The following ST8SIA6 variants were observed in gnomAD, a reference collection of about 807,000 sequenced individuals.
ST8SIA6 encodes alpha-2,8-sialyltransferase 8F.
In ST8SIA6, 39 loss-of-function variants were observed where a neutral mutation model predicts 33.6. The observed-to-expected ratio is 1.16, with a 90% confidence interval of 0.90 to 1.52. ST8SIA6 has a LOEUF of 1.52. Among genes scored for constraint, ST8SIA6 ranks in the 40% most tolerant of loss-of-function variants. ST8SIA6 has a pLI of 0.00. For synonymous variants in ST8SIA6, 172 were observed against 167.2 expected (o/e 1.03, Z -0.22); for missense variants, 441 against 443.8 (o/e 0.99, Z 0.06).
chr10:17,357,684 G>A (rs1308016702), intron 4 of ST8SIA6, among the ~76,000 whole-genome samples: 3 of 152,276 alleles, frequency 2.0e-5, no homozygotes, highest in African/African-American at 7.2e-5. Context: ...CTGCTCCAGT[G>A]TCCTCACACA....
chr10:17,399,540 G>A (rs1301501558), intron 2 of ST8SIA6, among the ~76,000 whole-genome samples: 1 of 152,118 alleles, frequency 6.6e-6, no homozygotes, highest in Non-Finnish European at 1.5e-5. Flanking sequence ...CCTCAATGAA[G>A]ATTAATTAGC....
At chr10:17,333,672 GATATATATATATATATATAT>G (rs1165578414) in intron 4 of ST8SIA6, among the ~76,000 whole-genome samples, 605 of 35,142 alleles carry the variant, frequency 0.017, 19 homozygotes, top group Middle Eastern at 0.042. Flanking sequence ...ATGGTGCTGG[GATATATATATATATATATAT>G]ATATATATAT....
chr10:17,389,975 C>T (rs926882948), intron 3 of ST8SIA6, among the ~76,000 whole-genome samples: 1 of 151,970 alleles, frequency 6.6e-6, no homozygotes, highest in African/African-American at 2.4e-5. Context: ...ACCTGAGCCA[C>T]CACATTCAGC....
chr10:17,437,101 T>C (rs1852290738), intron 2 of ST8SIA6, among the ~76,000 whole-genome samples: 1 of 152,192 alleles, frequency 6.6e-6, no homozygotes, highest in South Asian at 2.1e-4. Context: ...TGCAATTCTA[T>C]GATTCCCAAA....
At chr10:17,385,024 G>GT (rs889762074) in intron 3 of ST8SIA6, among the ~76,000 whole-genome samples, 4 of 151,866 alleles carry the variant, frequency 2.6e-5, no homozygotes, top group African/African-American at 4.8e-5. Context: ...TTGTTTGTTT[G>GT]TTTTTTTGTA....
At chr10:17,425,812 G>A (rs1851921070) in intron 2 of ST8SIA6, among the ~76,000 whole-genome samples, 1 of 152,070 alleles carries the variant, frequency 6.6e-6, no homozygotes, top group Non-Finnish European at 1.5e-5. Context: ...AGGTAAAATG[G>A]GAGGGAAGCG....
intron 3 of ST8SIA6, among the ~76,000 whole-genome samples, chr10:17,380,143 C>T (rs1366272080): frequency 6.6e-6 from 1 of 152,144 alleles, no homozygotes; most frequent in African/African-American, 2.4e-5. Flanking sequence ...GCTTCCATGT[C>T]GATGGAAGAC....
At chr10:17,322,957 A>T in intron 7 of ST8SIA6, 108 bp downstream of exon 7, 1 of 983,008 alleles carries the variant, frequency 1.0e-6, no homozygotes. Context: ...AACTCATTCC[A>T]CCTGTACTGC....
intron 2 of ST8SIA6, among the ~76,000 whole-genome samples, chr10:17,437,610 TTTCCTTCCTTCC>T (rs374960462): frequency 4.1e-5 from 4 of 97,986 alleles, no homozygotes; most frequent in African/African-American, 1.9e-4. Context: ...GGACCCCCTG[TTTCCTTCCTTCC>T]TTCCTTCCTT....
At chr10:17,411,690 C>G (rs961559301) in intron 2 of ST8SIA6, among the ~76,000 whole-genome samples, 4 of 152,174 alleles carry the variant, frequency 2.6e-5, no homozygotes, top group Non-Finnish European at 5.9e-5. Flanking sequence ...TGCTTTGTCT[C>G]TATTTGCCTG....
At chr10:17,343,318 G>T (rs1296303264) in intron 4 of ST8SIA6, among the ~76,000 whole-genome samples, 1 of 152,156 alleles carries the variant, frequency 6.6e-6, no homozygotes, top group Non-Finnish European at 1.5e-5. Context: ...ACCACAGGAA[G>T]AAAAATCAAT....
chr10:17,371,926 C>T (rs888756224), intron 3 of ST8SIA6, among the ~76,000 whole-genome samples: 14 of 151,966 alleles, frequency 9.2e-5, no homozygotes, highest in Non-Finnish European at 2.1e-4. Context: ...TGTCATGCTC[C>T]TTATATACAA....
At chr10:17,338,624 A>G (rs1302328275) in intron 4 of ST8SIA6, among the ~76,000 whole-genome samples, 1 of 152,228 alleles carries the variant, frequency 6.6e-6, no homozygotes, top group Non-Finnish European at 1.5e-5. Context: ...CAATGTACAT[A>G]TAAATGCTTC....
intron 5 of ST8SIA6, among the ~76,000 whole-genome samples, chr10:17,328,897 A>C (rs938259264): frequency 2.6e-5 from 4 of 152,172 alleles, no homozygotes; most frequent in African/African-American, 9.7e-5. Flanking sequence ...AGCATTGGTA[A>C]CTAAAAATTG....
intron 3 of ST8SIA6, among the ~76,000 whole-genome samples, chr10:17,363,694 A>G (rs1588842400): frequency 6.6e-6 from 1 of 152,208 alleles, no homozygotes; most frequent in African/African-American, 2.4e-5. Flanking sequence ...TTATTAAACT[A>G]TTGGTAGCTT....
intron 4 of ST8SIA6, among the ~76,000 whole-genome samples, chr10:17,359,212 A>C (rs1364975002): frequency 1.3e-5 from 2 of 152,248 alleles, no homozygotes; most frequent in East Asian, 3.8e-4. Flanking sequence ...ACAAATAAAT[A>C]CTAAATGTAA....
chr10:17,401,259 C>G (rs944820810), intron 2 of ST8SIA6, among the ~76,000 whole-genome samples: 6 of 152,212 alleles, frequency 3.9e-5, no homozygotes, highest in Non-Finnish European at 8.8e-5. Flanking sequence ...AACTACAAAC[C>G]ACTGCTCAAC....
At position 17,441,746 on chromosome 10, in the gene ST8SIA6, G is replaced by T. The variant is rs535234510; in HGVS notation, c.200+11813C>A. Reference sequence around the variant, plus strand: ...TAATTTAATTAAGTTTCATTTGAAAGAATCTGTCAAACTCAATAAAATTAC... The same window carrying T: ...TAATTTAATTAAGTTTCATTTGAAATAATCTGTCAAACTCAATAAAATTAC... On this transcript the variant is annotated intron_variant, in intron 2 of 7. Coordinates refer to ENST00000377602, the MANE Select transcript of ST8SIA6 (RefSeq NM_001004470.3). Among the ~76,000 whole-genome samples, 113 of 152,228 alleles carry T rather than the reference G, an allele frequency of 7.4e-4. 1 individual carries two copies. The highest frequency in any genetic ancestry group is 6.5e-4 in the Admixed American group (10 of 15,292).
At chr10:17,421,007 A>T (rs1588908724) in intron 2 of ST8SIA6, among the ~76,000 whole-genome samples, 1 of 152,158 alleles carries the variant, frequency 6.6e-6, no homozygotes, top group Admixed American at 6.5e-5. Flanking sequence ...CAAGGGTGAA[A>T]TCGCGAGAAC....
Sources: allele counts gnomAD v4.1 joint callset (sites outside exome capture counted in the v4.1 genomes callset), GRCh38; gene constraint gnomAD v4.1.1; transcripts MANE v1.5; gene names NCBI Gene and HGNC (gene_info 2026-07-23, HGNC 2026-07-21).